The following STK3 variants were observed in gnomAD, a reference collection of about 807,000 sequenced individuals.
STK3 encodes the protein serine/threonine-protein kinase 3.
A neutral mutation model predicts 58.0 loss-of-function variants in STK3; 41 were observed. That is an observed-to-expected ratio of 0.71 (90% CI 0.55 to 0.92). The LOEUF is 0.92. Among genes scored for constraint, STK3 ranks in the 40% least tolerant of loss-of-function variants. The probability of loss-of-function intolerance (pLI) is 0.00; values close to 1 mark genes in which losing one functional copy is unlikely to be tolerated. For synonymous variants in STK3, 170 were observed against 191.0 expected, an observed-to-expected ratio of 0.89 and a Z score of 0.91; for missense variants, 479 against 602.7, an observed-to-expected ratio of 0.79 and a Z score of 2.15.
At chr8:98,926,388 T>C (rs374117340) in intron 1 of STK3, among the ~76,000 whole-genome samples, 3 of 152,200 alleles carry the variant, frequency 2.0e-5, no homozygotes, top group South Asian at 2.1e-4. Flanking sequence ...ACAGAACTAG[T>C]TGTCTATTAA....
intron 6 of STK3, among the ~76,000 whole-genome samples, chr8:98,695,295 C>A (rs12677970): frequency 6.6e-6 from 1 of 152,192 alleles, no homozygotes; most frequent in Non-Finnish European, 1.5e-5. Flanking sequence ...ATTGTGTAGG[C>A]TGCCTGTTCA....
chr8:98,382,322 C>T (rs1305632397), intron 1 of STK3, among the ~76,000 whole-genome samples: 1 of 152,232 alleles, frequency 6.6e-6, no homozygotes, highest in Non-Finnish European at 1.5e-5. Flanking sequence ...AGGTCTTCCA[C>T]ACAAATGCAC....
Position 98,652,008 on chromosome 8 carries a change from G to T in STK3, c.684+54459C>A, listed in dbSNP as rs568728317. ...GCCACAAAGATACTCCTCGAGAAGAGCAACTCCAAGACACATAATTGTCAG... is the reference window on the plus strand; with the variant it reads ...GCCACAAAGATACTCCTCGAGAAGATCAACTCCAAGACACATAATTGTCAG... On this transcript the variant is annotated intron_variant, in intron 6 of 10. Coordinates refer to ENST00000419617, the MANE Select transcript of STK3 (RefSeq NM_006281.4). Among the ~76,000 whole-genome samples, 40 of 152,080 alleles carry T rather than the reference G, an allele frequency of 2.6e-4. No individual in the cohort carries two copies. The East Asian group carries it at 7.2e-3, about 27-fold the overall frequency.
At position 98,701,282 on chromosome 8, in the gene STK3, C is replaced by A. The variant is rs564350146; in HGVS notation, c.684+5185G>T. 4.2e-4 allele frequency among the ~76,000 whole-genome samples: 64 copies of A among 152,124 alleles called. No individual in the cohort carries two copies. In the South Asian group the frequency reaches 0.013, roughly 32 times the overall value. ...GAAGGACGGAAGGAAGGAAATGATA[C>A]TATTTATTCATCTCCTGATTTAAAA... is the stretch of plus-strand genomic sequence containing the variant. On this transcript the variant is annotated intron_variant, in intron 6 of 10. Coordinates refer to ENST00000419617, the MANE Select transcript of STK3 (RefSeq NM_006281.4).
In STK3 at chr8:98,739,020, G is replaced by A. The variant is rs568422084; in HGVS notation, c.351+10256C>T. 2.5e-3 allele frequency among the ~76,000 whole-genome samples: 380 copies of A among 152,338 alleles called. 1 individual carries two copies. Among genetic ancestry groups the A allele is most frequent in the African/African-American group, 9.0e-3 (375 of 41,574 alleles). On this transcript the variant is annotated intron_variant, in intron 4 of 10. Transcript: ENST00000419617. ...CAGCAGTCTGAGATCAAACTGCAAG[G>A]CAGCGGCGAGGCTGGGGGAGGGGCG...
At chr8:98,899,029 C>G (rs548811153) in intron 1 of STK3, among the ~76,000 whole-genome samples, 18 of 152,314 alleles carry the variant, frequency 1.2e-4, no homozygotes, top group Non-Finnish European at 2.5e-4. Context: ...GCAGAGAAAT[C>G]AGGGGCTGAC....
Position 98,537,732 on chromosome 8 carries a change from C to T in STK3, c.1141+10237G>A, listed in dbSNP as rs543921774. ...GAATTACCTAGTTCCTCAATTTTGG[C>T]CCTAATTCCTTCAACTAGTTGCTCA... On this transcript the variant is annotated intron_variant, in intron 9 of 10. Transcript: ENST00000419617. Among the ~76,000 whole-genome samples the T allele has an allele frequency of 1.5e-3, 234 of 152,204 alleles. 4 individuals are homozygous for T. The South Asian group carries it at 0.048, about 31-fold the overall frequency.
At chr8:98,814,786 G>A (rs1308109441) in intron 1 of STK3, among the ~76,000 whole-genome samples, 1 of 152,200 alleles carries the variant, frequency 6.6e-6, no homozygotes, top group Non-Finnish European at 1.5e-5. Context: ...CCAGGCTCAG[G>A]TGATGCTCCC....
chr8:98,390,511 T>C (rs1214027897), upstream of STK3, among the ~76,000 whole-genome samples: 1 of 152,250 alleles, frequency 6.6e-6, no homozygotes, highest in Non-Finnish European at 1.5e-5. Context: ...TGGATTTCTT[T>C]GGGCTGATTC....
At chr8:98,583,634 AACT>A (rs1422516690) in intron 7 of STK3, among the ~76,000 whole-genome samples, 1 of 152,170 alleles carries the variant, frequency 6.6e-6, no homozygotes, top group African/African-American at 2.4e-5. Flanking sequence ...ATGGTAATGA[AACT>A]TTTCAAGGTT....
At chr8:98,875,952 C>T (rs183152320) in intron 3 of STK3, among the ~76,000 whole-genome samples, 1 of 152,260 alleles carries the variant, frequency 6.6e-6, no homozygotes, top group Admixed American at 6.5e-5. Flanking sequence ...GTAGCAGATG[C>T]TTATTGACCA....
intron 8 of STK3, among the ~76,000 whole-genome samples, chr8:98,555,345 C>G (rs1811511033): frequency 6.6e-6 from 1 of 151,990 alleles, no homozygotes; most frequent in South Asian, 2.1e-4. Flanking sequence ...ATTAGTGTCA[C>G]AAAAGACAAA....
chr8:98,697,268 C>G (rs943651592), intron 6 of STK3, among the ~76,000 whole-genome samples: 40 of 152,114 alleles, frequency 2.6e-4, no homozygotes, highest in African/African-American at 9.7e-4. Context: ...ATTAGTCTTG[C>G]TAGCGGTCTA....
At chr8:98,903,995 CT>C (rs113589589) in intron 1 of STK3, among the ~76,000 whole-genome samples, 19 of 151,864 alleles carry the variant, frequency 1.3e-4, no homozygotes, top group Non-Finnish European at 1.9e-4. Flanking sequence ...ATGTTTATGT[CT>C]TTTTTTTCTT....
At chr8:98,515,231 A>T (rs956663980) in intron 10 of STK3, among the ~76,000 whole-genome samples, 3 of 152,128 alleles carry the variant, frequency 2.0e-5, no homozygotes, top group African/African-American at 7.2e-5. Flanking sequence ...CCTCATAAAA[A>T]TTTTTTATTA....
At chr8:98,565,724 T>A (rs1216081850) in intron 8 of STK3, among the ~76,000 whole-genome samples, 1 of 152,126 alleles carries the variant, frequency 6.6e-6, no homozygotes. Context: ...CTTTATTGCA[T>A]AGAAAGACCA....
chr8:98,619,099 A>G (rs1818028309), intron 6 of STK3, among the ~76,000 whole-genome samples: 1 of 150,892 alleles, frequency 6.6e-6, no homozygotes, highest in African/African-American at 2.4e-5. Context: ...ACAGCATGGT[A>G]CTGGTACCAA....
At chr8:98,556,802 T>C (rs1487140716) in intron 8 of STK3, among the ~76,000 whole-genome samples, 1 of 152,054 alleles carries the variant, frequency 6.6e-6, no homozygotes, top group Non-Finnish European at 1.5e-5. Flanking sequence ...AAGGGTCATA[T>C]AGTAACAGAA....
At chr8:98,801,421 A>G (rs1445373914) in intron 1 of STK3, among the ~76,000 whole-genome samples, 1 of 152,162 alleles carries the variant, frequency 6.6e-6, no homozygotes, top group Non-Finnish European at 1.5e-5. Context: ...CGCTCTTTGC[A>G]ATAAATGTTA....
Sources: gnomAD v4.1 joint callset for allele counts (sites outside exome capture counted in the v4.1 genomes callset) on GRCh38, gnomAD v4.1.1 for gene constraint, MANE v1.5 for transcripts, NCBI Gene and HGNC (gene_info 2026-07-23, HGNC 2026-07-21) for gene names.